Variants in GATAD2B observed in about 807,000 individuals in gnomAD.
GATAD2B encodes transcriptional repressor p66-beta.
In GATAD2B, 8 loss-of-function variants were observed where a neutral mutation model predicts 64.3. The observed-to-expected ratio is 0.12, with a 90% confidence interval of 0.07 to 0.22. GATAD2B has a LOEUF of 0.22. GATAD2B is among the 10% of genes least tolerant of loss of function. The pLI is 1.00. For synonymous variants in GATAD2B, 281 were observed against 271.3 expected (o/e 1.04, Z -0.35); for missense variants, 453 against 752.0 (o/e 0.60, Z 4.65).
intron 1 of GATAD2B, among the ~76,000 whole-genome samples, chr1:153,846,115 G>GT (rs1675679440): frequency 6.6e-6 from 1 of 151,914 alleles, no homozygotes; most frequent in South Asian, 2.1e-4. Context: ...ATCTGAATTT[G>GT]TTTTTCCATT....
chr1:153,895,438 G>C (rs1677556737), intron 1 of GATAD2B, among the ~76,000 whole-genome samples: 1 of 151,968 alleles, frequency 6.6e-6, no homozygotes, highest in Non-Finnish European at 1.5e-5. Context: ...GAACCAACCA[G>C]TCGTGGTGGC....
chr1:153,820,195 C>T (rs552308119), intron 2 of GATAD2B, among the ~76,000 whole-genome samples: 14 of 151,866 alleles, frequency 9.2e-5, no homozygotes, highest in Non-Finnish European at 1.5e-4. Flanking sequence ...GGAATAGTGC[C>T]AAGAATATTG....
chr1:153,852,831 T>C, intron 1 of GATAD2B: 3 of 859,284 alleles, frequency 3.5e-6, no homozygotes, highest in Non-Finnish European at 3.9e-6. Context: ...CTTCTTTTTC[T>C]AGTTCTTCCC....
chr1:153,892,163 C>CAAA lies in GATAD2B; in HGVS notation c.-2+30567_-2+30569dup, dbSNP rs900308080. Among the ~76,000 whole-genome samples the CAAA allele has an allele frequency of 7.8e-4, 39 of 50,134 alleles. 1 individual carries two copies. Among genetic ancestry groups the CAAA allele is most frequent in the Middle Eastern group, 0.011 (1 of 88 alleles). 32.9% of individuals were successfully genotyped at this position (50,134 alleles called of 152,430 possible). Reference sequence around the variant, plus strand: ...CTGGCAACAGAGTGAGACTCCGTCTCAAAAAAAAAAAAAAAAAAAAAAGAA... The same window carrying CAAA: ...CTGGCAACAGAGTGAGACTCCGTCTCAAAAAAAAAAAAAAAAAAAAAAAAAGAA... On this transcript the variant is annotated intron_variant, in intron 1 of 10. Coordinates refer to ENST00000368655, the MANE Select transcript of GATAD2B (RefSeq NM_020699.4).
chr1:153,919,009 G>A (rs1481832531), intron 1 of GATAD2B, among the ~76,000 whole-genome samples: 2 of 152,090 alleles, frequency 1.3e-5, no homozygotes, highest in Non-Finnish European at 2.9e-5. Flanking sequence ...AAAACAGTAA[G>A]AGAATGGCTC....
intron 1 of GATAD2B, among the ~76,000 whole-genome samples, chr1:153,869,158 G>A (rs1393478546): frequency 5.3e-5 from 8 of 151,976 alleles, no homozygotes; most frequent in African/African-American, 1.9e-4. Context: ...CAGGCATGAT[G>A]GTGGGTGCCT....
chr1:153,870,441 C>T (rs1216170662), intron 1 of GATAD2B, among the ~76,000 whole-genome samples: 3 of 152,044 alleles, frequency 2.0e-5, no homozygotes, highest in Admixed American at 6.6e-5. Flanking sequence ...GACGTGGTGG[C>T]GGGCACCTAT....
chr1:153,837,378 A>C (rs12404822), intron 1 of GATAD2B, among the ~76,000 whole-genome samples: 8,004 of 32,442 alleles, frequency 0.25, 355 homozygotes, highest in South Asian at 0.49. Context: ...CAAAACAAAC[A>C]AAAAAAAAAA....
intron 1 of GATAD2B, among the ~76,000 whole-genome samples, chr1:153,878,182 T>C (rs75864455): frequency 0.052 from 7,936 of 151,922 alleles, 358 homozygotes; most frequent in South Asian, 0.17. Flanking sequence ...TTTTCTTTTT[T>C]TTTTGAGACA....
intron 1 of GATAD2B, among the ~76,000 whole-genome samples, chr1:153,900,345 G>C (rs1277228637): frequency 2.0e-5 from 3 of 151,910 alleles, no homozygotes; most frequent in Admixed American, 6.6e-5. Flanking sequence ...ACTTGAACCA[G>C]GGAGGCGGAG....
chr1:153,818,560 C>T lies in GATAD2B; in HGVS notation c.597+231G>A, dbSNP rs575964185. ...CGATCTCCTGACCTCGTGATCCACC[C>T]GCCTCGGCCTCCCAAAGTGCTGGAG... On this transcript the variant is annotated intron_variant, in intron 4 of 10. Transcript: ENST00000368655. Among the ~76,000 whole-genome samples, 79 of 151,932 alleles carry T rather than the reference C, an allele frequency of 5.2e-4. No homozygotes were observed. In the South Asian group the frequency reaches 0.016, roughly 32 times the overall value.
chr1:153,819,482 G>T, intron 3 of GATAD2B, 124 bp downstream of exon 3: 1 of 677,040 alleles, frequency 1.5e-6, no homozygotes, highest in Non-Finnish European at 2.4e-6. Context: ...TTACTATAAA[G>T]TTTTCATCAA....
At chr1:153,903,717 C>A (rs1039703370) in intron 1 of GATAD2B, among the ~76,000 whole-genome samples, 1 of 152,204 alleles carries the variant, frequency 6.6e-6, no homozygotes, top group Admixed American at 6.6e-5. Context: ...AAGTGTGGGG[C>A]TCACACCTGT....
intron 8 of GATAD2B, among the ~76,000 whole-genome samples, 197 bp downstream of exon 8, chr1:153,813,053 A>T (rs1022693435): frequency 6.6e-6 from 1 of 152,234 alleles, no homozygotes; most frequent in African/African-American, 2.4e-5. Context: ...CCTTTCTGTT[A>T]ACCTCAGCCA....
Position 153,806,202 on chromosome 1 carries a change from CG to C in GATAD2B, c.*3974del, listed in dbSNP as rs1396703168. On this transcript the variant is annotated 3_prime_UTR_variant, in exon 11 of 11. Coordinates refer to ENST00000368655, the MANE Select transcript of GATAD2B (RefSeq NM_020699.4). ...TAATAATACTTGGTTTCGATGCCCC[CG>C]GGAACTGCCCCATTCCTCGGCTACC... 6.6e-6 allele frequency: 1 copy of C among 152,220 alleles called. No individual in the cohort carries two copies. Among genetic ancestry groups the C allele is most frequent in the Non-Finnish European group, 1.5e-5 (1 of 68,064 alleles). 9.4% of individuals were successfully genotyped at this position (152,220 alleles called of 1,614,324 possible).
At chr1:153,868,814 C>T (rs2101927846) in intron 1 of GATAD2B, among the ~76,000 whole-genome samples, 1 of 151,046 alleles carries the variant, frequency 6.6e-6, no homozygotes, top group East Asian at 2.0e-4. Flanking sequence ...TGGCTCACTG[C>T]AGCCTCCCCT....
At chr1:153,867,850 A>C (rs1248885469) in intron 1 of GATAD2B, among the ~76,000 whole-genome samples, 1 of 151,152 alleles carries the variant, frequency 6.6e-6, no homozygotes, top group South Asian at 2.1e-4. Flanking sequence ...ACAGAGTGAG[A>C]CTCCGTCTCA....
intron 1 of GATAD2B, among the ~76,000 whole-genome samples, chr1:153,854,963 A>G: frequency 6.6e-6 from 1 of 152,210 alleles, no homozygotes; most frequent in East Asian, 1.9e-4. Context: ...GATATAAAAA[A>G]AAAGAGGTGG....
chr1:153,887,882 T>A (rs894341956), intron 1 of GATAD2B, among the ~76,000 whole-genome samples: 2 of 151,436 alleles, frequency 1.3e-5, no homozygotes, highest in Non-Finnish European at 2.9e-5. Context: ...AGGACAGGAG[T>A]TGGAAACCAC....
Sources: gnomAD v4.1 joint callset for allele counts (sites outside exome capture counted in the v4.1 genomes callset) on GRCh38, gnomAD v4.1.1 for gene constraint, MANE v1.5 for transcripts, NCBI Gene and HGNC (gene_info 2026-07-23, HGNC 2026-07-21) for gene names.